The following ERN1 variants were observed in gnomAD, a reference collection of about 807,000 sequenced individuals.
ERN1 encodes serine/threonine-protein kinase/endoribonuclease IRE1.
In ERN1, 39 loss-of-function variants were observed where a neutral mutation model predicts 113.1. That is an observed-to-expected ratio of 0.34 (90% CI 0.27 to 0.45). ERN1 has a LOEUF of 0.45. Among genes scored for constraint, ERN1 ranks in the 20% least tolerant of loss-of-function variants. ERN1 has a pLI of 1.00. For synonymous variants in ERN1, 507 were observed against 515.9 expected, an observed-to-expected ratio of 0.98 and a Z score of 0.23; for missense variants, 976 against 1,274.8, an observed-to-expected ratio of 0.77 and a Z score of 3.57.
At chr17:64,100,092 T>C (rs574024900) in intron 1 of ERN1, among the ~76,000 whole-genome samples, 1 of 152,210 alleles carries the variant, frequency 6.6e-6, no homozygotes, top group Admixed American at 6.5e-5. Context: ...AGGTCACTGT[T>C]TGGGAGTGGT....
intron 1 of ERN1, among the ~76,000 whole-genome samples, chr17:64,106,654 G>A (rs1914534596): frequency 6.7e-6 from 1 of 149,300 alleles, no homozygotes; most frequent in Non-Finnish European, 1.5e-5. Context: ...CTGATTTTAA[G>A]AAATACCAGT....
chr17:64,106,752 ACACACACACAC>A (rs1291321950), intron 1 of ERN1, among the ~76,000 whole-genome samples: 2,094 of 146,326 alleles, frequency 0.014, 57 homozygotes, highest in African/African-American at 0.052. Context: ...ACACACACAC[ACACACACACAC>A]AAGCTCGCTG....
intron 2 of ERN1, among the ~76,000 whole-genome samples, chr17:64,087,278 A>G (rs549521606): frequency 1.2e-4 from 18 of 152,266 alleles, no homozygotes; most frequent in Admixed American, 1.1e-3. Context: ...TAAGATCAGA[A>G]CTGCCACTGT....
rs138968035 is a variant in ERN1 at position 64,084,552 on chromosome 17, T to C, written c.176-3744A>G. The stretch of plus-strand genomic sequence containing the variant: ...AAGGAAAAAAAAAATAGAGATAACA[T>C]CAACCTCATGGGGCATCTCTATGTG... On this transcript the variant is annotated intron_variant, in intron 2 of 21. Coordinates refer to ENST00000433197, the MANE Select transcript of ERN1 (RefSeq NM_001433.5). Among the ~76,000 whole-genome samples the C allele has an allele frequency of 4.6e-5, 7 of 152,214 alleles. No homozygotes were observed. In the East Asian group the frequency reaches 1.4e-3, roughly 29 times the overall value.
At position 64,063,900 on chromosome 17, in the gene ERN1, G is replaced by T; in HGVS notation, c.1087+86C>A. On this transcript the variant is annotated intron_variant, in intron 10 of 21. Coordinates refer to ENST00000433197, the MANE Select transcript of ERN1 (RefSeq NM_001433.5). This position sits in a 1 kb window ranked among gnomAD's most constrained non-coding sequence, Gnocchi z 5.1. ...CTGAGCACAAGGCCTTCCGAGCTCA[G>T]TACGGTGTAACTACCAGGGCCGGCG... 7.4e-7 allele frequency: 1 copy of T among 1,344,444 alleles called. No individual in the cohort carries two copies. Among genetic ancestry groups the T allele is most frequent in the Non-Finnish European group, 1.0e-6 (1 of 960,332 alleles). The allele number at this position is 1,344,444 out of a possible 1,614,324, so 83.3% of individuals were successfully genotyped here.
intron 1 of ERN1, among the ~76,000 whole-genome samples, chr17:64,118,033 G>A (rs933684580): frequency 1.3e-5 from 2 of 152,158 alleles, no homozygotes; most frequent in Admixed American, 1.3e-4. Context: ...CAAGAGCTAG[G>A]AAGCTGGGAG....
Position 64,049,338 on chromosome 17 carries a change from T to C in ERN1, c.2254-136A>G. On this transcript the variant is annotated intron_variant, in intron 17 of 21. Transcript: ENST00000433197. The surrounding 1 kb of genome is among the most constrained non-coding windows in gnomAD (Gnocchi z 4.7). The stretch of plus-strand genomic sequence containing the variant: ...GGAGAATCAGCTGACATATGTGAGC[T>C]GCACAGAGCAGCGAGGGCTAACCTG... 2.2e-6 allele frequency: 2 copies of C among 916,106 alleles called. No homozygotes were observed. Among genetic ancestry groups the C allele is most frequent in the South Asian group, 4.2e-5 (2 of 47,148 alleles). 56.7% of individuals were successfully genotyped at this position (916,106 alleles called of 1,614,324 possible).
chr17:64,060,658 G>C, intron 10 of ERN1, 71 bp from the exon 11 acceptor site: 3 of 1,094,266 alleles, frequency 2.7e-6, no homozygotes, highest in Middle Eastern at 2.0e-4. Context: ...GCTAAACTTA[G>C]GCAACAGGTG....
intron 4 of ERN1, among the ~76,000 whole-genome samples, chr17:64,077,293 C>T (rs1027566932): frequency 2.0e-5 from 3 of 152,224 alleles, no homozygotes; most frequent in African/African-American, 7.2e-5. Flanking sequence ...GCTTTAAAAA[C>T]TTCCTACTGA....
intron 5 of ERN1, 177 bp downstream of exon 5, chr17:64,074,997 TG>T (rs1409025823): frequency 1.8e-5 from 11 of 596,228 alleles, no homozygotes; most frequent in Middle Eastern, 4.0e-4. Context: ...TCTCCCAAGT[TG>T]GGGGAGCCCT....
chr17:64,112,522 T>C (rs898247200), intron 1 of ERN1, among the ~76,000 whole-genome samples: 2 of 152,250 alleles, frequency 1.3e-5, no homozygotes, highest in Non-Finnish European at 2.9e-5. Flanking sequence ...TAGATACTTG[T>C]TAAGTTCAGT....
intron 2 of ERN1, among the ~76,000 whole-genome samples, chr17:64,096,720 G>A (rs1914240505): frequency 6.6e-6 from 1 of 152,196 alleles, no homozygotes; most frequent in South Asian, 2.1e-4. Context: ...TAAGTTAGAA[G>A]AGAAAACAGG....
At chr17:64,072,999 T>C (rs1913469110) in intron 5 of ERN1, among the ~76,000 whole-genome samples, 1 of 130,332 alleles carries the variant, frequency 7.7e-6, no homozygotes, top group Non-Finnish European at 1.7e-5. Flanking sequence ...CACAGAGCCT[T>C]TGAAATTTTT....
chr17:64,121,315 C>G (rs757646837), intron 1 of ERN1, among the ~76,000 whole-genome samples: 11 of 152,214 alleles, frequency 7.2e-5, no homozygotes, highest in Non-Finnish European at 1.3e-4. Context: ...TTGGTGAAGG[C>G]TGTGACTGAG....
At chr17:64,058,040 A>G in intron 11 of ERN1, 47 bp from the exon 12 acceptor site, 8 of 1,417,318 alleles carry the variant, frequency 5.6e-6, no homozygotes, top group Non-Finnish European at 6.6e-6. Flanking sequence ...TTCTAGCCAG[A>G]TACAGATGAG....
chr17:64,063,208 G>A lies in ERN1; in HGVS notation c.1087+778C>T, dbSNP rs1259944521. The stretch of plus-strand genomic sequence containing the variant: ...CCTGCTCTGCCCCTACTGGGGCTGG[G>A]AGGTGGCAGAACAGTGAGGGATGGG... On this transcript the variant is annotated intron_variant, in intron 10 of 21. Coordinates refer to ENST00000433197, the MANE Select transcript of ERN1 (RefSeq NM_001433.5). This position sits in a 1 kb window ranked among gnomAD's most constrained non-coding sequence, Gnocchi z 5.1. 6.6e-6 allele frequency among the ~76,000 whole-genome samples: 1 copy of A among 152,260 alleles called. No individual in the cohort carries two copies. Among genetic ancestry groups the A allele is most frequent in the East Asian group, 1.9e-4 (1 of 5,202 alleles).
In ERN1 at chr17:64,044,027, G is replaced by C. The variant is rs773458572; in HGVS notation, c.2895C>G (p.Pro965=). The C allele has an allele frequency of 6.2e-7, 1 of 1,613,312 alleles. No homozygotes were observed. The highest frequency in any genetic ancestry group is 2.2e-5 in the East Asian group (1 of 44,846). ...RLFQPYYFHE[P]PEPQPPVTPD... Reference sequence around the variant, plus strand: ...GAGTCACTGGGGGCTGGGGCTCTGGGGGCTCGTGGAAGTAGTAGGGCTGGA... The same window carrying C: ...GAGTCACTGGGGGCTGGGGCTCTGGCGGCTCGTGGAAGTAGTAGGGCTGGA... The change falls in exon 22 of 22, where the codon CCC becomes CCG. Residue 965 remains proline, a synonymous_variant. Coordinates refer to ENST00000433197, the MANE Select transcript of ERN1 (RefSeq NM_001433.5). This position sits in a 1 kb window ranked among gnomAD's most constrained non-coding sequence, Gnocchi z 4.1.
chr17:64,125,407 C>T (rs1440953050), intron 1 of ERN1, among the ~76,000 whole-genome samples: 3 of 152,186 alleles, frequency 2.0e-5, no homozygotes, highest in Admixed American at 1.3e-4. Flanking sequence ...AGGCAAAGCT[C>T]GGCTTATTAC....
In ERN1 at chr17:64,068,245, C is replaced by T. The variant is rs1306164296; in HGVS notation, c.525G>A (p.Trp175Ter). Residue 175 changes from tryptophan (W) to a stop codon, truncating the protein, a stop_gained, in exon 7 of 22, where the codon TGG becomes TGA. Transcript: ENST00000433197. LOFTEE classifies it high-confidence loss of function. ...CCGCATAGTCAAAGTAGGTGGCATT[C>T]CACCGGAGCTCTCGGGTTTTGGTGT... is the stretch of plus-strand genomic sequence containing the variant. ...MYDTKTRELR[W>*]NATYFDYAAS... 3 of 1,612,702 alleles carry T rather than the reference C, an allele frequency of 1.9e-6. No individual in the cohort carries two copies. Among genetic ancestry groups the T allele is most frequent in the African/African-American group, 2.7e-5 (2 of 74,918 alleles).
Sources: allele counts gnomAD v4.1 joint callset (sites outside exome capture counted in the v4.1 genomes callset), GRCh38; gene constraint gnomAD v4.1.1; non-coding constraint Gnocchi (gnomAD v3.1); transcripts MANE v1.5; gene names NCBI Gene and HGNC (gene_info 2026-07-23, HGNC 2026-07-21).